KCP: variants seen among roughly 807,000 people sequenced by gnomAD.
The protein encoded by KCP is kielin/chordin-like protein.
In KCP, 194 loss-of-function variants were observed where a neutral mutation model predicts 212.7. That is an observed-to-expected ratio of 0.91 (90% CI 0.81 to 1.03). The LOEUF is 1.03. KCP is among the 50% of genes least tolerant of loss of function. KCP has a pLI of 0.00. For missense variants in KCP, 2,080 were observed against 2,162.5 expected (o/e 0.96, Z 0.76); for synonymous variants, 833 against 865.3 (o/e 0.96, Z 0.65).
intron 39 of KCP, 42 bp from the exon 40 acceptor site, chr7:128,877,353 A>G (rs1408401808): frequency 1.3e-6 from 2 of 1,527,332 alleles, no homozygotes; most frequent in African/African-American, 2.8e-5. Flanking sequence ...GGCACCTGAA[A>G]CTGCCCCAGT....
chr7:128,892,826 G>A (rs1400896965), intron 14 of KCP, 32 bp from the exon 15 acceptor site: 5 of 1,551,426 alleles, frequency 3.2e-6, no homozygotes, highest in Non-Finnish European at 4.4e-6. Context: ...GGGTGAGCTG[G>A]GTAATGCAGG....
intron 7 of KCP, 60 bp from the exon 8 acceptor site, chr7:128,902,919 C>A: frequency 7.7e-7 from 1 of 1,303,156 alleles, no homozygotes; most frequent in Admixed American, 2.0e-5. Context: ...ACCCCAGCCT[C>A]AGCCTGCCCG....
intron 8 of KCP, among the ~76,000 whole-genome samples, chr7:128,901,974 C>T (rs943068646): frequency 6.6e-6 from 1 of 152,236 alleles, no homozygotes; most frequent in Non-Finnish European, 1.5e-5. Flanking sequence ...AACACCACCC[C>T]ACCCATGAAG....
intron 5 of KCP, among the ~76,000 whole-genome samples, chr7:128,905,132 T>G (rs909644559): frequency 1.3e-5 from 2 of 152,042 alleles, no homozygotes; most frequent in African/African-American, 4.8e-5. Context: ...TCTGAGTCCT[T>G]GTCCCACCTT....
Position 128,908,531 on chromosome 7 carries a change from T to G in KCP, c.114A>C (p.Thr38=). The change falls in exon 2 of 40, where the codon ACA becomes ACC. Residue 38 remains threonine, a synonymous_variant. Transcript: ENST00000610776. ...CAGCAAGGACTGAGGAATGGGCAGTTGTCTGCTGCCCAGGGGGCTCCCTGG... is the reference window on the plus strand; with the variant it reads ...CAGCAAGGACTGAGGAATGGGCAGTGGTCTGCTGCCCAGGGGGCTCCCTGG... The part of the protein sequence containing the change: ...AVPREPPGQQ[T]TAHSSVLAGN... 1 of 1,551,620 alleles carries G rather than the reference T, an allele frequency of 6.4e-7. No homozygotes were observed. The highest frequency in any genetic ancestry group is 8.7e-7 in the Non-Finnish European group (1 of 1,146,928).
rs1795157928 is a variant in KCP, at chr7:128,907,091, G to C, written c.486+10C>G. 1.3e-6 allele frequency: 2 copies of C among 1,550,538 alleles called. No homozygotes were observed. On this transcript the variant is annotated intron_variant, in intron 4 of 39. Coordinates refer to ENST00000610776, the MANE Select transcript of KCP (RefSeq NM_001366122.1). Reference sequence around the variant, plus strand: ...GGTGAGGGATATCCAGGTAGGTCCTGGGAGCTTACCAGACAGCGGCAGGTG... The same window carrying C: ...GGTGAGGGATATCCAGGTAGGTCCTCGGAGCTTACCAGACAGCGGCAGGTG...
chr7:128,886,928 TG>T lies in KCP; in HGVS notation c.2636del (p.Pro879GlnfsTer206). 2.0e-6 allele frequency: 3 copies of T among 1,470,742 alleles called. No homozygotes were observed. The highest frequency in any genetic ancestry group is 9.2e-7 in the Non-Finnish European group (1 of 1,086,574). The allele number at this position is 1,470,742 out of a possible 1,614,324, so 91.1% of individuals were successfully genotyped here. A position where few individuals can be genotyped will look rare whatever the true frequency, so the allele number is the denominator to read the frequency against. ...SMRCQKKPCP[P>X]ALCPHPSPGP... ...CTGGAGAGGGGTGGGGGCAGAGAGCTGGGGGACATGGCTTCTTCTGGCAGCG... is the reference window on the plus strand; with the variant it reads ...CTGGAGAGGGGTGGGGGCAGAGAGCTGGGGACATGGCTTCTTCTGGCAGCG... On this transcript the variant is annotated frameshift_variant, in exon 24 of 40. Coordinates refer to ENST00000610776, the MANE Select transcript of KCP (RefSeq NM_001366122.1). LOFTEE classifies it high-confidence loss of function.
intron 11 of KCP, 137 bp downstream of exon 11, chr7:128,893,669 A>G: frequency 9.5e-7 from 1 of 1,050,342 alleles, no homozygotes; most frequent in South Asian, 1.5e-5. Context: ...CCAGTTTGCC[A>G]TGAGAAGGTG....
chr7:128,910,303 C>G (rs1277368738), intron 1 of KCP, among the ~76,000 whole-genome samples: 2 of 152,228 alleles, frequency 1.3e-5, no homozygotes, highest in African/African-American at 2.4e-5. Context: ...CCTTTTCTCC[C>G]CCTCCTTCGT....
Position 128,899,840 on chromosome 7 carries a change from T to C in KCP, c.831+2937A>G, listed in dbSNP as rs182226553. 3.3e-4 allele frequency among the ~76,000 whole-genome samples: 51 copies of C among 152,308 alleles called. No individual in the cohort carries two copies. In the Middle Eastern group the frequency reaches 0.01, roughly 30 times the overall value. ...GACTGGAATGGCATACCTTAAGGAA[T>C]CATGTAAGGAATCATGATTCCTTAA... On this transcript the variant is annotated intron_variant, in intron 8 of 39. Transcript: ENST00000610776.
chr7:128,887,182 A>G (rs1315544764), intron 23 of KCP, 33 bp downstream of exon 23: 2 of 1,534,326 alleles, frequency 1.3e-6, no homozygotes, highest in Non-Finnish European at 1.8e-6. Context: ...CAAGGGAGGA[A>G]AGGTTACCAA....
In KCP at chr7:128,877,248, G is replaced by A; in HGVS notation, c.4682C>T (p.Thr1561Ile). Residue 1561 changes from threonine (T) to isoleucine (I), a missense_variant, in exon 40 of 40, where the codon ACC becomes ATC. Transcript: ENST00000610776. ...FDECGPPCPR[T>I]CFNQHIPLGE... The stretch of plus-strand genomic sequence containing the variant: ...CAGGGGGATATGCTGATTGAAGCAG[G>A]TGCGGGGACAGGGTGGGCCGCACTC... The A allele has an allele frequency of 6.7e-7, 1 of 1,487,648 alleles. No homozygotes were observed. Among genetic ancestry groups the A allele is most frequent in the South Asian group, 1.3e-5 (1 of 74,474 alleles). The allele number at this position is 1,487,648 out of a possible 1,614,324, so 92.2% of individuals were successfully genotyped here.
chr7:128,890,897 G>A lies in KCP; in HGVS notation c.2164+8C>T, dbSNP rs1794073504. The A allele has an allele frequency of 1.6e-6, 2 of 1,249,900 alleles. No individual in the cohort carries two copies. Among genetic ancestry groups the A allele is most frequent in the African/African-American group, 3.1e-5 (2 of 63,980 alleles). The allele number at this position is 1,249,900 out of a possible 1,614,324, so 77.4% of individuals were successfully genotyped here. The stretch of plus-strand genomic sequence containing the variant: ...GGGTGGCCGGGAGGGGCACCGCCAG[G>A]GCGTTACCGTCGCAGGAGGGGCAGC... On this transcript the variant is annotated splice_region_variant and intron_variant, in intron 20 of 39. Coordinates refer to ENST00000610776, the MANE Select transcript of KCP (RefSeq NM_001366122.1).
At chr7:128,891,618 G>C (rs1450130439) in intron 17 of KCP, 28 bp downstream of exon 17, 2 of 1,500,750 alleles carry the variant, frequency 1.3e-6, no homozygotes, top group African/African-American at 1.4e-5. Flanking sequence ...TCCCATCCCA[G>C]AAGGCCGCCC....
chr7:128,908,254 G>GAAA (rs1371955762), intron 2 of KCP, among the ~76,000 whole-genome samples, 172 bp downstream of exon 2: 7 of 90,550 alleles, frequency 7.7e-5, no homozygotes, highest in African/African-American at 2.5e-4. Context: ...AAAGAAAGAA[G>GAAA]AAAGAAAGAA....
Position 128,881,608 on chromosome 7 carries a change from C to T in KCP, c.3424+18G>A. On this transcript the variant is annotated intron_variant, in intron 31 of 39. Transcript: ENST00000610776. Reference sequence around the variant, plus strand: ...CTGGGCTCCTCTCTGAGGGTGGAGGCCAAGGCTGGGCACTTACCCCGGCAT... The same window carrying T: ...CTGGGCTCCTCTCTGAGGGTGGAGGTCAAGGCTGGGCACTTACCCCGGCAT... 1 of 1,474,796 alleles carries T rather than the reference C, an allele frequency of 6.8e-7. No homozygotes were observed. Among genetic ancestry groups the T allele is most frequent in the Middle Eastern group, 1.8e-4 (1 of 5,552 alleles). The allele number at this position is 1,474,796 out of a possible 1,614,324, so 91.4% of individuals were successfully genotyped here. A position where few individuals can be genotyped will look rare whatever the true frequency, so the allele number is the denominator to read the frequency against.
At position 128,904,145 on chromosome 7, in the gene KCP, A is replaced by G; in HGVS notation, c.572-7T>C. 1 of 1,551,514 alleles carries G rather than the reference A, an allele frequency of 6.4e-7. No homozygotes were observed. The highest frequency in any genetic ancestry group is 8.7e-7 in the Non-Finnish European group (1 of 1,146,764). ...TGCCCCTCATAATCACAGCCTGGGA[A>G]GGTTGGCAGGATGACAAGTGGGTCA... is the stretch of plus-strand genomic sequence containing the variant. On this transcript the variant is annotated splice_polypyrimidine_tract_variant and splice_region_variant and intron_variant, in intron 5 of 39. Transcript: ENST00000610776.
rs1007947357 is a variant in KCP at position 128,897,229 on chromosome 7, A to G, written c.832-2936T>C. Among the ~76,000 whole-genome samples, 5 of 152,376 alleles carry G rather than the reference A, an allele frequency of 3.3e-5. No individual in the cohort carries two copies. In the East Asian group the frequency reaches 9.6e-4, roughly 29 times the overall value. ...TAGAACACAGGCTTAGGACACCTGT[A>G]AGCCTGCTTTGCAAGACAGCCCAGC... On this transcript the variant is annotated intron_variant, in intron 8 of 39. Coordinates refer to ENST00000610776, the MANE Select transcript of KCP (RefSeq NM_001366122.1).
In KCP at chr7:128,887,315, A is replaced by T; in HGVS notation, c.2513-15T>A. The T allele has an allele frequency of 6.5e-7, 1 of 1,547,324 alleles. No homozygotes were observed. The highest frequency in any genetic ancestry group is 8.7e-7 in the Non-Finnish European group (1 of 1,143,794). On this transcript the variant is annotated splice_polypyrimidine_tract_variant and intron_variant, in intron 22 of 39. Transcript: ENST00000610776. The stretch of plus-strand genomic sequence containing the variant: ...GTAGCGGCATCCTGGCAGAGCGGGG[A>T]GTCCAACAGAAGAGCTGCCATCAAC...
Sources: allele counts gnomAD v4.1 joint callset (sites outside exome capture counted in the v4.1 genomes callset), GRCh38; gene constraint gnomAD v4.1.1; transcripts MANE v1.5; gene names NCBI Gene and HGNC (gene_info 2026-07-23, HGNC 2026-07-21).